Variants in LRRTM3 observed in about 807,000 individuals in gnomAD.
LRRTM3 encodes the protein leucine-rich repeat transmembrane neuronal protein 3.
A neutral mutation model predicts 44.7 loss-of-function variants in LRRTM3; 24 were observed. The ratio of observed to expected loss-of-function variants is 0.54; its 90% CI spans 0.39 to 0.76. The LOEUF is 0.76. LRRTM3 is among the 30% of genes least tolerant of loss of function. The pLI is 0.00. For missense variants in LRRTM3, 587 were observed against 702.2 expected (o/e 0.84, Z 1.85); for synonymous variants, 277 against 278.7 (o/e 0.99, Z 0.06).
chr10:67,013,906 T>C (rs1362886684), intron 2 of LRRTM3, among the ~76,000 whole-genome samples: 1 of 152,108 alleles, frequency 6.6e-6, no homozygotes, highest in Non-Finnish European at 1.5e-5. Flanking sequence ...CAGTGTGCCA[T>C]TTGGGGTGTG....
intron 2 of LRRTM3, among the ~76,000 whole-genome samples, chr10:67,050,591 T>C (rs933222415): frequency 1.3e-5 from 2 of 152,168 alleles, no homozygotes; most frequent in African/African-American, 2.4e-5. Flanking sequence ...GTGGGAGACA[T>C]TGTTCTGCTG....
intron 2 of LRRTM3, among the ~76,000 whole-genome samples, chr10:66,939,495 C>A (rs1847886897): frequency 1.3e-5 from 2 of 152,044 alleles, no homozygotes; most frequent in African/African-American, 2.4e-5. Context: ...GGGAAAAATT[C>A]TATTTGTATT....
intron 2 of LRRTM3, among the ~76,000 whole-genome samples, chr10:67,072,708 A>G (rs1227191363): frequency 6.6e-6 from 1 of 152,168 alleles, no homozygotes; most frequent in African/African-American, 2.4e-5. Flanking sequence ...TGGGCCCTGA[A>G]AAAGTTCTCT....
chr10:66,956,512 T>C lies in LRRTM3; in HGVS notation c.1536+28060T>C, dbSNP rs1848800038. On this transcript the variant is annotated intron_variant, in intron 2 of 2. Transcript: ENST00000361320. ...GGCAATAAACAATAATTACATTATT[T>C]CTACTCCTTAGCAAGGAGGAGGCAA... is the stretch of plus-strand genomic sequence containing the variant. Among the ~76,000 whole-genome samples, 3 of 152,096 alleles carry C rather than the reference T, an allele frequency of 2.0e-5. No homozygotes were observed. In the South Asian group the frequency reaches 6.2e-4, roughly 32 times the overall value.
At chr10:66,999,213 T>C (rs1851540402) in intron 2 of LRRTM3, among the ~76,000 whole-genome samples, 1 of 152,122 alleles carries the variant, frequency 6.6e-6, no homozygotes, top group African/African-American at 2.4e-5. Context: ...ATTTCAAGAA[T>C]TTAAACATGA....
intron 2 of LRRTM3, among the ~76,000 whole-genome samples, chr10:67,053,606 T>G (rs1855248394): frequency 6.6e-6 from 1 of 152,184 alleles, no homozygotes; most frequent in African/African-American, 2.4e-5. Context: ...GAAGCACTTT[T>G]TGCTCTTTGA....
intron 2 of LRRTM3, among the ~76,000 whole-genome samples, chr10:67,040,389 T>C (rs938383630): frequency 7.2e-5 from 11 of 152,066 alleles, no homozygotes; most frequent in African/African-American, 2.7e-4. Flanking sequence ...GTTCCCCAGT[T>C]GATAATGGGA....
intron 2 of LRRTM3, among the ~76,000 whole-genome samples, chr10:66,981,428 A>G (rs1037568600): frequency 6.6e-6 from 1 of 152,178 alleles, no homozygotes; most frequent in Non-Finnish European, 1.5e-5. Context: ...TTGAATTGCC[A>G]CTGACCATAT....
At chr10:66,936,673 CTG>C (rs1847717093) in intron 2 of LRRTM3, among the ~76,000 whole-genome samples, 1 of 152,126 alleles carries the variant, frequency 6.6e-6, no homozygotes, top group African/African-American at 2.4e-5. Flanking sequence ...CTAGTCAACT[CTG>C]AGATGTCTGC....
At chr10:67,003,044 T>G (rs1221410692) in intron 2 of LRRTM3, among the ~76,000 whole-genome samples, 1 of 152,150 alleles carries the variant, frequency 6.6e-6, no homozygotes, top group Non-Finnish European at 1.5e-5. Context: ...GCCATGGTTA[T>G]GTTCATAGGC....
intron 2 of LRRTM3, among the ~76,000 whole-genome samples, chr10:66,991,916 A>G (rs1006671677): frequency 1.3e-5 from 2 of 151,600 alleles, no homozygotes; most frequent in Non-Finnish European, 2.9e-5. Context: ...TCTATTCACC[A>G]CTCCTGTTGG....
intron 2 of LRRTM3, among the ~76,000 whole-genome samples, chr10:67,051,188 T>A (rs1240217861): frequency 6.6e-6 from 1 of 152,144 alleles, no homozygotes; most frequent in Non-Finnish European, 1.5e-5. Flanking sequence ...CCTGGGTGAA[T>A]TATTATTCCT....
At chr10:66,982,163 T>C (rs549073888) in intron 2 of LRRTM3, among the ~76,000 whole-genome samples, 3 of 152,350 alleles carry the variant, frequency 2.0e-5, no homozygotes, top group Non-Finnish European at 4.4e-5. Flanking sequence ...TCTGGCAGTT[T>C]GAACAGCAGA....
At chr10:67,004,746 T>G (rs1851877153) in intron 2 of LRRTM3, among the ~76,000 whole-genome samples, 1 of 152,222 alleles carries the variant, frequency 6.6e-6, no homozygotes, top group South Asian at 2.1e-4. Context: ...TCATGTCAAT[T>G]ATTTGCTATT....
intron 2 of LRRTM3, among the ~76,000 whole-genome samples, chr10:66,977,852 GA>G (rs971212622): frequency 2.6e-5 from 4 of 152,086 alleles, no homozygotes; most frequent in Non-Finnish European, 4.4e-5. Context: ...TATATGTCTG[GA>G]TCACTTGTGC....
At chr10:67,045,890 C>T (rs1854713326) in intron 2 of LRRTM3, among the ~76,000 whole-genome samples, 1 of 152,206 alleles carries the variant, frequency 6.6e-6, no homozygotes, top group Non-Finnish European at 1.5e-5. Context: ...AAATAATAAG[C>T]TGTAAAAAGA....
At chr10:67,096,278 A>C (rs2131928435) in intron 2 of LRRTM3, among the ~76,000 whole-genome samples, 1 of 151,998 alleles carries the variant, frequency 6.6e-6, no homozygotes, top group South Asian at 2.1e-4. Context: ...CTGAAGTAGA[A>C]ATACATGTAA....
chr10:66,932,195 T>A (rs1847440429), intron 2 of LRRTM3, among the ~76,000 whole-genome samples: 1 of 152,214 alleles, frequency 6.6e-6, no homozygotes, highest in Admixed American at 6.5e-5. Flanking sequence ...GATTCATGGA[T>A]AATGAAATTA....
At chr10:67,082,747 A>G (rs542304623) in intron 2 of LRRTM3, among the ~76,000 whole-genome samples, 2 of 152,138 alleles carry the variant, frequency 1.3e-5, no homozygotes. Context: ...ATCAGCATAG[A>G]GAAGAGGATT....
Sources: allele counts gnomAD v4.1 joint callset (sites outside exome capture counted in the v4.1 genomes callset), GRCh38; gene constraint gnomAD v4.1.1; transcripts MANE v1.5; gene names NCBI Gene and HGNC (gene_info 2026-07-23, HGNC 2026-07-21).